The following SGIP1 variants were observed in gnomAD, a reference collection of about 807,000 sequenced individuals.
SGIP1 encodes SH3GL interacting endocytic adaptor 1, also known as SH3-containing GRB2-like protein 3-interacting protein 1.
SGIP1 carries 38 observed loss-of-function variants against 107.5 expected under a neutral mutation model. The ratio of observed to expected loss-of-function variants is 0.35; its 90% CI spans 0.27 to 0.46. The LOEUF is 0.46. SGIP1 is among the 20% of genes least tolerant of loss of function. The pLI is 1.00. For synonymous variants in SGIP1, 365 were observed against 366.1 expected (o/e 1.00, Z 0.03); for missense variants, 929 against 1,019.5 (o/e 0.91, Z 1.21).
intron 1 of SGIP1, among the ~76,000 whole-genome samples, chr1:66,594,550 G>A (rs1300668048): frequency 7.9e-5 from 12 of 152,132 alleles, no homozygotes; most frequent in Non-Finnish European, 1.6e-4. Context: ...GGAGATCCAG[G>A]TACTTGGTTT....
At position 66,600,178 on chromosome 1, in the gene SGIP1, C is replaced by T. The variant is rs188120595; in HGVS notation, c.11-25669C>T. On this transcript the variant is annotated intron_variant, in intron 1 of 24. Coordinates refer to ENST00000371037, the MANE Select transcript of SGIP1 (RefSeq NM_032291.4). The stretch of plus-strand genomic sequence containing the variant: ...CAGTCAGCCTTTGTGCCTTTGGGCT[C>T]ATTTCAATAGGTTTATAGAAATTTA... Among the ~76,000 whole-genome samples, 9 of 152,222 alleles carry T rather than the reference C, an allele frequency of 5.9e-5. No homozygotes were observed. The East Asian group carries it at 1.5e-3, about 26-fold the overall frequency.
chr1:66,624,306 A>C (rs2149299775), intron 1 of SGIP1, among the ~76,000 whole-genome samples: 1 of 152,330 alleles, frequency 6.6e-6, no homozygotes, highest in South Asian at 2.1e-4. Context: ...AGACAATTAG[A>C]GGTGAGAAAG....
chr1:66,694,395 T>C, intron 17 of SGIP1: 1 of 1,540,732 alleles, frequency 6.5e-7, no homozygotes, highest in Non-Finnish European at 8.9e-7. Flanking sequence ...GGATTTGTAT[T>C]TGTGTTTTTG....
chr1:66,593,272 G>C lies in SGIP1; in HGVS notation c.11-32575G>C, dbSNP rs932687461. ...TATAAACGTCCATGTGCAGGTTTTTGTGTGGACAGAGTTTTCAACTCATTT... is the reference window on the plus strand; with the variant it reads ...TATAAACGTCCATGTGCAGGTTTTTCTGTGGACAGAGTTTTCAACTCATTT... On this transcript the variant is annotated intron_variant, in intron 1 of 24. Coordinates refer to ENST00000371037, the MANE Select transcript of SGIP1 (RefSeq NM_032291.4). Among the ~76,000 whole-genome samples the C allele has an allele frequency of 2.0e-5, 3 of 152,120 alleles. No individual in the cohort carries two copies. The East Asian group carries it at 5.8e-4, about 29-fold the overall frequency.
intron 17 of SGIP1, among the ~76,000 whole-genome samples, chr1:66,690,744 C>T (rs1271567884): frequency 1.3e-5 from 2 of 152,174 alleles, no homozygotes; most frequent in African/African-American, 2.4e-5. Context: ...ATTTCTTCAT[C>T]ATTTTTGGTT....
At chr1:66,741,670 G>T (rs1032283629) in intron 24 of SGIP1, among the ~76,000 whole-genome samples, 1 of 152,006 alleles carries the variant, frequency 6.6e-6, no homozygotes, top group Non-Finnish European at 1.5e-5. Context: ...GGGGCTAGTT[G>T]TTCCCATTAT....
intron 1 of SGIP1, among the ~76,000 whole-genome samples, chr1:66,547,572 G>T (rs766658470): frequency 6.6e-6 from 1 of 152,098 alleles, no homozygotes; most frequent in African/African-American, 2.4e-5. Context: ...AGAGCTCGTC[G>T]CACTCTTGAT....
rs117911036 is a variant in SGIP1, at chr1:66,726,772, T to C, written c.1743-2492T>C. On this transcript the variant is annotated intron_variant, in intron 19 of 24. Transcript: ENST00000371037. ...AATAGGTGAAAATGGGTAATGAAGCTAAATGTAAACTCAAAGATTTTTTTT... is the reference window on the plus strand; with the variant it reads ...AATAGGTGAAAATGGGTAATGAAGCCAAATGTAAACTCAAAGATTTTTTTT... Among the ~76,000 whole-genome samples, 128 of 152,304 alleles carry C rather than the reference T, an allele frequency of 8.4e-4. 2 individuals carry two copies. The East Asian group carries it at 0.023, about 27-fold the overall frequency.
intron 8 of SGIP1, among the ~76,000 whole-genome samples, chr1:66,661,740 A>T (rs572124928): frequency 6.6e-6 from 1 of 152,274 alleles, no homozygotes; most frequent in African/African-American, 2.4e-5. Context: ...AATTAACCAA[A>T]TTTGGCCACC....
chr1:66,605,340 A>T (rs1288803114), intron 1 of SGIP1, among the ~76,000 whole-genome samples: 2 of 152,174 alleles, frequency 1.3e-5, no homozygotes, highest in Admixed American at 1.3e-4. Flanking sequence ...AGTAATTCCC[A>T]GATAAAGCCC....
intron 1 of SGIP1, among the ~76,000 whole-genome samples, chr1:66,546,749 A>G (rs2056470820): frequency 6.6e-6 from 1 of 152,236 alleles, no homozygotes; most frequent in Admixed American, 6.5e-5. Context: ...TTGGGGAAAG[A>G]AAGCAAGGTA....
chr1:66,563,169 G>C (rs1178172929), intron 1 of SGIP1, among the ~76,000 whole-genome samples: 1 of 151,986 alleles, frequency 6.6e-6, no homozygotes, highest in African/African-American at 2.4e-5. Flanking sequence ...ATCTGAACAA[G>C]AGATGCCTAA....
Position 66,690,272 on chromosome 1 carries a change from T to C in SGIP1, c.1526T>C (p.Ile509Thr). 9 of 1,614,202 alleles carry C rather than the reference T, an allele frequency of 5.6e-6. No homozygotes were observed. Among genetic ancestry groups the C allele is most frequent in the Non-Finnish European group, 6.8e-6 (8 of 1,180,016 alleles). The change falls in exon 17 of 25, where the codon ATA becomes ACA. Residue 509 changes from isoleucine to threonine, a missense_variant. This residue lies in a region of SGIP1 where 341 missense variants were observed against 430.9 expected (regional missense o/e 0.79). Transcript: ENST00000371037. ...GCGCGGGCTGAAAGCACTTCTTCAA[T>C]ATCGTCAACCAATTCCTTGAGCGCA... The part of the protein sequence containing the change: ...PLARAESTSS[I>T]SSTNSLSAAT...
intron 1 of SGIP1, among the ~76,000 whole-genome samples, chr1:66,575,626 T>C (rs6699200): frequency 0.13 from 19,527 of 152,160 alleles, 1,338 homozygotes; most frequent in Admixed American, 0.18. Flanking sequence ...TTTTCACCAA[T>C]AGAAAAATGA....
intron 1 of SGIP1, among the ~76,000 whole-genome samples, chr1:66,601,964 C>T (rs1382886700): frequency 1.3e-5 from 2 of 152,150 alleles, no homozygotes; most frequent in Non-Finnish European, 2.9e-5. Context: ...TACATAGATC[C>T]CTTTCTCTGT....
At chr1:66,626,141 T>A (rs199752626) in intron 2 of SGIP1, 1 of 157,454 alleles carries the variant, frequency 6.4e-6, no homozygotes. Context: ...TTCTTTCTTT[T>A]TTTTTTTTTT....
intron 19 of SGIP1, among the ~76,000 whole-genome samples, chr1:66,725,897 T>G (rs1428138398): frequency 6.6e-6 from 1 of 152,208 alleles, no homozygotes; most frequent in Non-Finnish European, 1.5e-5. Context: ...GCCGCCACCA[T>G]GCACTGCAGA....
chr1:66,667,699 A>G (rs139211575), intron 9 of SGIP1, among the ~76,000 whole-genome samples, 158 bp downstream of exon 9: 2 of 152,352 alleles, frequency 1.3e-5, no homozygotes, highest in East Asian at 3.9e-4. Flanking sequence ...CCTCTTAAGT[A>G]TCAAGGGCAT....
intron 15 of SGIP1, among the ~76,000 whole-genome samples, 174 bp from the exon 16 acceptor site, chr1:66,688,974 A>AT (rs975161832): frequency 1.3e-5 from 2 of 148,738 alleles, no homozygotes; most frequent in Admixed American, 6.8e-5. Flanking sequence ...GAAATCATTA[A>AT]TTTTTTTTCT....
Sources: allele counts gnomAD v4.1 joint callset (sites outside exome capture counted in the v4.1 genomes callset), GRCh38; gene constraint gnomAD v4.1.1; regional missense constraint gnomAD v4.1.1; transcripts MANE v1.5; gene names NCBI Gene and HGNC (gene_info 2026-07-23, HGNC 2026-07-21).